The following XIRP2 variants were observed in gnomAD, a reference collection of about 807,000 sequenced individuals.
XIRP2 encodes xin actin binding repeat containing 2, also known as xin actin-binding repeat-containing protein 2.
A neutral mutation model predicts 277.0 loss-of-function variants in XIRP2; 236 were observed. That is an observed-to-expected ratio of 0.85 (90% CI 0.77 to 0.95). XIRP2 has a LOEUF of 0.95. Among genes scored for constraint, XIRP2 ranks in the 40% least tolerant of loss-of-function variants. The pLI is 0.00. For missense variants in XIRP2, 4,640 were observed against 4,157.5 expected, an observed-to-expected ratio of 1.12 and a Z score of -3.19; for synonymous variants, 1,490 against 1,416.5, an observed-to-expected ratio of 1.05 and a Z score of -1.17.
chr2:166,933,010 T>C (rs918793688), intron 2 of XIRP2, among the ~76,000 whole-genome samples: 1 of 152,138 alleles, frequency 6.6e-6, no homozygotes, highest in African/African-American at 2.4e-5. Context: ...AGGATTGTCT[T>C]GGCTGTATTT....
chr2:167,010,210 G>A (rs1687628535), intron 2 of XIRP2, among the ~76,000 whole-genome samples: 1 of 152,102 alleles, frequency 6.6e-6, no homozygotes, highest in Admixed American at 6.6e-5. Context: ...TAGGTCTAAC[G>A]TTAAAGTCTT....
chr2:167,232,831 A>G (rs1347489299), intron 5 of XIRP2, among the ~76,000 whole-genome samples: 1 of 151,918 alleles, frequency 6.6e-6, no homozygotes, highest in Non-Finnish European at 1.5e-5. Flanking sequence ...ATACTAACCC[A>G]GGAAGGCTGA....
chr2:167,191,177 C>T (rs1453518761), intron 3 of XIRP2, among the ~76,000 whole-genome samples: 2 of 141,450 alleles, frequency 1.4e-5, no homozygotes, highest in Non-Finnish European at 1.5e-5. Context: ...CAGAGTGAGA[C>T]CCTGTCTCAA....
At chr2:167,067,613 ATATCT>A (rs1175235688) in intron 2 of XIRP2, among the ~76,000 whole-genome samples, 1 of 152,008 alleles carries the variant, frequency 6.6e-6, no homozygotes, top group Non-Finnish European at 1.5e-5. Context: ...CAGAAAAAAC[ATATCT>A]TAATTTAAGA....
chr2:166,951,118 A>G (rs1686019771), intron 2 of XIRP2, among the ~76,000 whole-genome samples: 1 of 152,110 alleles, frequency 6.6e-6, no homozygotes, highest in African/African-American at 2.4e-5. Flanking sequence ...ATTGCGAGTT[A>G]TTATTACTGC....
intron 3 of XIRP2, among the ~76,000 whole-genome samples, chr2:167,203,585 G>A (rs746689903): frequency 2.0e-5 from 3 of 152,008 alleles, no homozygotes; most frequent in Admixed American, 6.6e-5. Context: ...TTATTCCCTC[G>A]CCCTTCTTCT....
intron 3 of XIRP2, among the ~76,000 whole-genome samples, chr2:167,209,642 G>A (rs932343068): frequency 1.2e-4 from 18 of 151,886 alleles, no homozygotes; most frequent in African/African-American, 4.1e-4. Flanking sequence ...AAAAGCACAT[G>A]TATACATACC....
chr2:166,898,650 A>G (rs1684303590), intron 1 of XIRP2, among the ~76,000 whole-genome samples: 1 of 152,068 alleles, frequency 6.6e-6, no homozygotes, highest in South Asian at 2.1e-4. Context: ...CGCCATATAC[A>G]CTAATAGTAC....
At chr2:166,907,447 C>T (rs188516771) in intron 2 of XIRP2, among the ~76,000 whole-genome samples, 85 of 152,198 alleles carry the variant, frequency 5.6e-4, no homozygotes, top group African/African-American at 2.0e-3. Flanking sequence ...CTCTGATGAG[C>T]TTGGCAGTTC....
At chr2:167,056,865 G>T (rs1054627485) in intron 2 of XIRP2, among the ~76,000 whole-genome samples, 1 of 151,978 alleles carries the variant, frequency 6.6e-6, no homozygotes, top group Non-Finnish European at 1.5e-5. Flanking sequence ...GGGGAGCTTT[G>T]GTTATATAAT....
intron 2 of XIRP2, among the ~76,000 whole-genome samples, chr2:166,929,157 TG>T (rs1189096541): frequency 6.6e-6 from 1 of 151,082 alleles, no homozygotes; most frequent in Non-Finnish European, 1.5e-5. Flanking sequence ...TGGGGAAGGG[TG>T]AGCAATCTGT....
chr2:167,092,115 G>A (rs1288536899), intron 2 of XIRP2, among the ~76,000 whole-genome samples: 1 of 152,092 alleles, frequency 6.6e-6, no homozygotes, highest in Non-Finnish European at 1.5e-5. Context: ...AAATCATGTT[G>A]CTTGGGGGAT....
intron 3 of XIRP2, chr2:167,184,660 T>A (rs1693107514): frequency 1.4e-6 from 1 of 715,276 alleles, no homozygotes; most frequent in East Asian, 2.7e-5. Context: ...TCGTCTTTCT[T>A]GAATTGTACT....
chr2:167,001,525 A>C (rs1687370581), intron 2 of XIRP2, among the ~76,000 whole-genome samples: 1 of 152,168 alleles, frequency 6.6e-6, no homozygotes, highest in Non-Finnish European at 1.5e-5. Flanking sequence ...AAACTATGAA[A>C]CCAGAAAAAA....
At chr2:166,942,047 C>G (rs189764158) in intron 2 of XIRP2, among the ~76,000 whole-genome samples, 4 of 152,314 alleles carry the variant, frequency 2.6e-5, no homozygotes, top group Admixed American at 6.5e-5. Flanking sequence ...TATATTCATT[C>G]TACTCAATAG....
intron 2 of XIRP2, among the ~76,000 whole-genome samples, chr2:166,996,557 G>A (rs1179261861): frequency 6.6e-6 from 1 of 152,160 alleles, no homozygotes; most frequent in Non-Finnish European, 1.5e-5. Context: ...ACCCCAGGAG[G>A]CAGAGGTTTC....
At chr2:167,024,165 T>A (rs1029359029) in intron 2 of XIRP2, among the ~76,000 whole-genome samples, 3 of 152,178 alleles carry the variant, frequency 2.0e-5, no homozygotes, top group Non-Finnish European at 2.9e-5. Flanking sequence ...AAAAGGTCCC[T>A]CACGTCCCTT....
rs1559041130 is a variant in XIRP2 at position 167,246,711 on chromosome 2, A to T, written c.5319A>T (p.Lys1773Asn). The T allele has an allele frequency of 1.9e-6, 3 of 1,613,782 alleles. No homozygotes were observed. Among genetic ancestry groups the T allele is most frequent in the Non-Finnish European group, 2.5e-6 (3 of 1,179,834 alleles). ...TESNETLTAK[K>N]QEGEKEIIGG... Reference sequence around the variant, plus strand: ...CAAATGAAACACTGACAGCTAAGAAACAAGAAGGAGAGAAAGAAATCATTG... The same window carrying T: ...CAAATGAAACACTGACAGCTAAGAATCAAGAAGGAGAGAAAGAAATCATTG... The change falls in exon 9 of 11, where the codon AAA becomes AAT. Residue 1773 changes from lysine (K) to asparagine (N), a missense_variant. Lys to Asn is a moderately conservative substitution (Grantham distance 94). Transcript: ENST00000409195.
chr2:167,025,097 G>T (rs980355607), intron 2 of XIRP2, among the ~76,000 whole-genome samples: 5 of 152,002 alleles, frequency 3.3e-5, no homozygotes, highest in African/African-American at 1.2e-4. Context: ...ACTCTTTACG[G>T]TTGGTAAGCT....
Sources: allele counts gnomAD v4.1 joint callset (sites outside exome capture counted in the v4.1 genomes callset), GRCh38; gene constraint gnomAD v4.1.1; transcripts MANE v1.5; gene names NCBI Gene and HGNC (gene_info 2026-07-23, HGNC 2026-07-21).